INPP4B: variants seen among roughly 807,000 people sequenced by gnomAD.
INPP4B encodes inositol polyphosphate-4-phosphatase type II B.
INPP4B carries 55 observed loss-of-function variants against 122.5 expected under a neutral mutation model. That is an observed-to-expected ratio of 0.45 (90% CI 0.36 to 0.56). The LOEUF (loss-of-function observed/expected upper bound fraction) is 0.56. Among genes scored for constraint, INPP4B ranks in the 20% least tolerant of loss-of-function variants. The pLI, the probability that INPP4B is intolerant of heterozygous loss-of-function variation, is 0.00. For missense variants in INPP4B, 1,000 were observed against 1,097.7 expected, an observed-to-expected ratio of 0.91 and a Z score of 1.26; for synonymous variants, 403 against 388.7, an observed-to-expected ratio of 1.04 and a Z score of -0.43.
intron 23 of INPP4B, among the ~76,000 whole-genome samples, chr4:142,106,774 G>C (rs1372132163): frequency 6.6e-6 from 1 of 152,102 alleles, no homozygotes; most frequent in African/African-American, 2.4e-5. Flanking sequence ...TCACAGTGTG[G>C]CCTGCGAATT....
At chr4:142,302,302 A>G (rs539911656) in intron 9 of INPP4B, among the ~76,000 whole-genome samples, 37 of 152,252 alleles carry the variant, frequency 2.4e-4, no homozygotes, top group Non-Finnish European at 4.9e-4. Context: ...CGTGGAAGAA[A>G]CCATGAAAAA....
rs1736720877 is a variant in INPP4B, at chr4:142,025,458, G to T, written c.*3324C>A. ...TAATAATGGTAATGTTTAACAACTAGCTTACAAAATTTCTGGTACTTTAAT... is the reference window on the plus strand; with the variant it reads ...TAATAATGGTAATGTTTAACAACTATCTTACAAAATTTCTGGTACTTTAAT... On this transcript the variant is annotated 3_prime_UTR_variant, in exon 26 of 26. Transcript: ENST00000262992. The T allele has an allele frequency of 6.6e-6, 1 of 152,036 alleles. No individual in the cohort carries two copies. The highest frequency in any genetic ancestry group is 1.5e-5 in the Non-Finnish European group (1 of 68,016). The allele number at this position is 152,036 out of a possible 1,614,324, so 9.4% of individuals were successfully genotyped here. A position where few individuals can be genotyped will look rare whatever the true frequency, so the allele number is the denominator to read the frequency against.
intron 23 of INPP4B, among the ~76,000 whole-genome samples, chr4:142,092,758 A>G (rs1780150739): frequency 6.6e-6 from 1 of 152,212 alleles, no homozygotes; most frequent in Admixed American, 6.5e-5. Flanking sequence ...AGGTAAGCAA[A>G]TTGTTATATA....
chr4:142,141,784 C>A (rs1807961500), intron 18 of INPP4B, among the ~76,000 whole-genome samples: 1 of 152,000 alleles, frequency 6.6e-6, no homozygotes, highest in South Asian at 2.1e-4. Context: ...AAAAGTAGCA[C>A]AACCCAGATG....
intron 25 of INPP4B, among the ~76,000 whole-genome samples, chr4:142,065,127 G>T (rs933249779): frequency 1.3e-5 from 2 of 152,008 alleles, no homozygotes; most frequent in South Asian, 2.1e-4. Context: ...AGAATTTAAG[G>T]CAGTTTACAT....
chr4:142,592,958 A>G (rs7682953), intron 2 of INPP4B, among the ~76,000 whole-genome samples: 149,891 of 151,986 alleles, frequency 0.99, 73,949 homozygotes, highest in South Asian at 1. Flanking sequence ...CAAAAAATTA[A>G]CCAAGTGTGG....
chr4:142,599,999 A>C (rs1202443491), intron 2 of INPP4B, among the ~76,000 whole-genome samples: 1 of 152,120 alleles, frequency 6.6e-6, no homozygotes, highest in African/African-American at 2.4e-5. Flanking sequence ...AAAAAGAATG[A>C]ACAAAGTCCT....
chr4:142,492,456 G>A (rs946999973), intron 2 of INPP4B, among the ~76,000 whole-genome samples: 2 of 152,094 alleles, frequency 1.3e-5, no homozygotes, highest in African/African-American at 4.8e-5. Flanking sequence ...AAGACAGGAA[G>A]ATGTGAGAAA....
chr4:142,083,584 C>T (rs983753751), intron 24 of INPP4B, among the ~76,000 whole-genome samples: 4 of 152,000 alleles, frequency 2.6e-5, no homozygotes, highest in Admixed American at 6.6e-5. Flanking sequence ...AAAAGTTGTC[C>T]GCTTTTAAAA....
chr4:142,115,649 C>G (rs1242133117), intron 21 of INPP4B, among the ~76,000 whole-genome samples: 1 of 152,276 alleles, frequency 6.6e-6, no homozygotes, highest in East Asian at 1.9e-4. Context: ...CTTACAAGAG[C>G]TCCTCAAGGA....
chr4:142,341,948 C>T (rs1462518466), intron 7 of INPP4B, among the ~76,000 whole-genome samples: 1 of 152,058 alleles, frequency 6.6e-6, no homozygotes, highest in East Asian at 1.9e-4. Context: ...GAGAACATAG[C>T]CCGTTCAACA....
intron 2 of INPP4B, among the ~76,000 whole-genome samples, chr4:142,708,885 C>T (rs899340243): frequency 6.6e-6 from 1 of 152,190 alleles, no homozygotes; most frequent in Non-Finnish European, 1.5e-5. Context: ...CAGCTTGCAC[C>T]GTGTGCCTAG....
At chr4:142,260,408 G>C in intron 11 of INPP4B, 84 bp downstream of exon 11, 1 of 845,398 alleles carries the variant, frequency 1.2e-6, no homozygotes, top group Non-Finnish European at 2.0e-6. Context: ...AAACAACTGT[G>C]AGAATGCTGG....
At chr4:142,806,851 G>GAAAGAAAGA (rs1554013553) in intron 1 of INPP4B, among the ~76,000 whole-genome samples, 3 of 148,118 alleles carry the variant, frequency 2.0e-5, no homozygotes, top group Middle Eastern at 3.4e-3. Context: ...AAGAAAGAAA[G>GAAAGAAAGA]GAGAAGAAAA....
chr4:142,531,106 G>A (rs1365242061), intron 2 of INPP4B, among the ~76,000 whole-genome samples: 2 of 151,984 alleles, frequency 1.3e-5, no homozygotes, highest in Non-Finnish European at 2.9e-5. Context: ...ATGTTGGTTT[G>A]GACTAGAGCT....
At chr4:142,557,530 A>T (rs1031827069) in intron 2 of INPP4B, among the ~76,000 whole-genome samples, 1 of 152,056 alleles carries the variant, frequency 6.6e-6, no homozygotes, top group Non-Finnish European at 1.5e-5. Flanking sequence ...CATGGGCAAG[A>T]GTTAGTGGCA....
chr4:142,419,247 G>A (rs946240069), intron 5 of INPP4B, among the ~76,000 whole-genome samples: 1 of 152,098 alleles, frequency 6.6e-6, no homozygotes, highest in Non-Finnish European at 1.5e-5. Flanking sequence ...CTGGTAGCCA[G>A]TTGAATATGG....
chr4:142,523,192 CA>C (rs1425692821), intron 2 of INPP4B, among the ~76,000 whole-genome samples: 1 of 152,092 alleles, frequency 6.6e-6, no homozygotes, highest in South Asian at 2.1e-4. Flanking sequence ...ATTACAAACG[CA>C]AATACAAACC....
intron 5 of INPP4B, among the ~76,000 whole-genome samples, chr4:142,415,657 A>G (rs574886130): frequency 6.6e-6 from 1 of 152,292 alleles, no homozygotes; most frequent in East Asian, 1.9e-4. Context: ...TACTGGATAT[A>G]TACCCAAAGG....
Sources: allele counts gnomAD v4.1 joint callset (sites outside exome capture counted in the v4.1 genomes callset), GRCh38; gene constraint gnomAD v4.1.1; transcripts MANE v1.5; gene names NCBI Gene and HGNC (gene_info 2026-07-23, HGNC 2026-07-21).